Variants in ZNF277 observed in about 807,000 individuals in gnomAD.
ZNF277 encodes the protein zinc finger protein 277, also known as nuclear receptor-interacting factor 4.
ZNF277 carries 55 observed loss-of-function variants against 60.7 expected under a neutral mutation model. The ratio of observed to expected loss-of-function variants is 0.91; its 90% CI spans 0.73 to 1.13. The LOEUF is 1.13. ZNF277 is among the 50% of genes most tolerant of loss of function. ZNF277 has a pLI of 0.00. For synonymous variants in ZNF277, 178 were observed against 179.3 expected, an observed-to-expected ratio of 0.99 and a Z score of 0.06; for missense variants, 510 against 523.0, an observed-to-expected ratio of 0.98 and a Z score of 0.24.
At chr7:112,320,576 G>A (rs1186245178) in intron 5 of ZNF277, among the ~76,000 whole-genome samples, 1 of 152,074 alleles carries the variant, frequency 6.6e-6, no homozygotes, top group East Asian at 1.9e-4. Context: ...GACAAGGATA[G>A]AGTAATGAGT....
At chr7:112,286,837 C>CTTTGTTTT in intron 1 of ZNF277, 36 bp from the exon 2 acceptor site, 1 of 1,085,156 alleles carries the variant, frequency 9.2e-7, no homozygotes, top group Non-Finnish European at 1.2e-6. Flanking sequence ...GCTTTTCTTT[C>CTTTGTTTT]TTTCTTTTTT....
chr7:112,218,486 T>A (rs1821944329), intron 1 of ZNF277, among the ~76,000 whole-genome samples: 1 of 152,180 alleles, frequency 6.6e-6, no homozygotes, highest in East Asian at 1.9e-4. Flanking sequence ...GTGAGAACAT[T>A]TAAGATCTAC....
Position 112,259,246 on chromosome 7 carries a change from A to G in ZNF277, c.92-27627A>G, listed in dbSNP as rs1792999797. ...AATAAATTTTTATATTTTTGCATAA[A>G]TTAAACAGAGTCAAGATGTATTACT... On this transcript the variant is annotated intron_variant, in intron 1 of 11. Transcript: ENST00000361822. Among the ~76,000 whole-genome samples, 3 of 152,320 alleles carry G rather than the reference A, an allele frequency of 2.0e-5. No individual in the cohort carries two copies. The South Asian group carries it at 6.2e-4, about 32-fold the overall frequency.
intron 5 of ZNF277, among the ~76,000 whole-genome samples, chr7:112,322,697 G>A (rs992846586): frequency 6.6e-6 from 1 of 152,024 alleles, no homozygotes; most frequent in African/African-American, 2.4e-5. Context: ...GTCCTTGTCT[G>A]GTGTGTCAAC....
At chr7:112,327,655 C>A in intron 5 of ZNF277, 62 bp from the exon 6 acceptor site, 1 of 1,327,626 alleles carries the variant, frequency 7.5e-7, no homozygotes, top group Non-Finnish European at 1.1e-6. Context: ...GAATGCTATT[C>A]CAACCCAAAT....
rs1822221330 is a variant in ZNF277 at position 112,228,058 on chromosome 7, C to G, written c.91+21251C>G. ...CAGGGCTACGCTCTCTTTGAAAGCT[C>G]TAGGGGAGAATCCTTCCTTTCCTCT... On this transcript the variant is annotated intron_variant, in intron 1 of 11. Coordinates refer to ENST00000361822, the MANE Select transcript of ZNF277 (RefSeq NM_021994.3). Among the ~76,000 whole-genome samples, 4 of 152,016 alleles carry G rather than the reference C, an allele frequency of 2.6e-5. No individual in the cohort carries two copies. The South Asian group carries it at 8.3e-4, about 32-fold the overall frequency.
intron 1 of ZNF277, among the ~76,000 whole-genome samples, chr7:112,257,872 G>T (rs192894554): frequency 3.3e-5 from 5 of 151,754 alleles, no homozygotes; most frequent in Non-Finnish European, 7.4e-5. Context: ...GGGGTGCAGT[G>T]GCCCATTCGT....
chr7:112,287,327 G>A (rs930174881), intron 2 of ZNF277: 2 of 452,078 alleles, frequency 4.4e-6, no homozygotes, highest in African/African-American at 2.0e-5. Context: ...GTGAGTTATG[G>A]TTATACCATT....
chr7:112,215,050 A>G (rs2116951919), intron 1 of ZNF277, among the ~76,000 whole-genome samples: 1 of 152,320 alleles, frequency 6.6e-6, no homozygotes, highest in East Asian at 1.9e-4. Context: ...CTATGAAAAT[A>G]TAGGGACAAA....
chr7:112,288,743 C>A, intron 2 of ZNF277: 1 of 156,904 alleles, frequency 6.4e-6, no homozygotes. Context: ...GTTCATGCCT[C>A]CCAAAGCTGT....
At chr7:112,272,480 TTTTG>T (rs1189811383) in intron 1 of ZNF277, among the ~76,000 whole-genome samples, 4 of 152,134 alleles carry the variant, frequency 2.6e-5, no homozygotes, top group Non-Finnish European at 4.4e-5. Flanking sequence ...TTTTAGTTGT[TTTTG>T]TTTGTTTGTT....
intron 1 of ZNF277, among the ~76,000 whole-genome samples, chr7:112,258,832 A>G (rs1034592279): frequency 5.3e-5 from 8 of 152,096 alleles, no homozygotes; most frequent in Admixed American, 2.0e-4. Context: ...TGTGGTTCCA[A>G]TGAACATTTT....
intron 1 of ZNF277, among the ~76,000 whole-genome samples, chr7:112,283,782 A>T (rs546315382): frequency 2.0e-5 from 3 of 152,328 alleles, no homozygotes; most frequent in African/African-American, 7.2e-5. Flanking sequence ...GGGAAAAAAT[A>T]AAGAAAATTA....
At chr7:112,271,030 G>T (rs1258349747) in intron 1 of ZNF277, among the ~76,000 whole-genome samples, 3 of 152,110 alleles carry the variant, frequency 2.0e-5, no homozygotes, top group African/African-American at 7.2e-5. Context: ...ATTGAGAATT[G>T]TTGCCTGAAA....
chr7:112,292,867 G>A (rs1792239393), intron 2 of ZNF277, among the ~76,000 whole-genome samples: 1 of 151,958 alleles, frequency 6.6e-6, no homozygotes, highest in Admixed American at 6.6e-5. Flanking sequence ...TCAAATGTTT[G>A]CTGAAATGTT....
chr7:112,336,107 C>A lies in ZNF277; in HGVS notation c.805C>A (p.Leu269Ile). The A allele has an allele frequency of 6.2e-7, 1 of 1,610,778 alleles. No homozygotes were observed. Among genetic ancestry groups the A allele is most frequent in the Non-Finnish European group, 8.5e-7 (1 of 1,178,116 alleles). Residue 269 changes from leucine (L) to isoleucine (I), a missense_variant, in exon 8 of 12, where the codon CTT becomes ATT. Physicochemically the swap from Leu to Ile is conservative, Grantham distance 5. Coordinates refer to ENST00000361822, the MANE Select transcript of ZNF277 (RefSeq NM_021994.3). ...DRFYVINYLE[L>I]GKSWEEVQLE... is the part of the protein sequence containing the mutation. ...TCCCTCTGTTCTTCCTACAAAGGAACTTGGAAAATCGTGGGAAGAAGTTCA... is the reference window on the plus strand; with the variant it reads ...TCCCTCTGTTCTTCCTACAAAGGAAATTGGAAAATCGTGGGAAGAAGTTCA...
intron 7 of ZNF277, among the ~76,000 whole-genome samples, chr7:112,334,744 C>T (rs545786558): frequency 3.3e-5 from 5 of 152,260 alleles, no homozygotes; most frequent in African/African-American, 1.2e-4. Flanking sequence ...GATCAAATCA[C>T]AGAAGGCCCA....
At chr7:112,256,549 G>T (rs1254777363) in intron 1 of ZNF277, among the ~76,000 whole-genome samples, 1 of 148,734 alleles carries the variant, frequency 6.7e-6, no homozygotes, top group African/African-American at 2.5e-5. Context: ...AGGTTCAAGT[G>T]ATTCTCTTGC....
At chr7:112,241,661 A>G (rs1264388634) in intron 1 of ZNF277, among the ~76,000 whole-genome samples, 1 of 152,214 alleles carries the variant, frequency 6.6e-6, no homozygotes, top group Non-Finnish European at 1.5e-5. Context: ...ACAATGGAGT[A>G]CTATTCAGCC....
Sources: allele counts gnomAD v4.1 joint callset (sites outside exome capture counted in the v4.1 genomes callset), GRCh38; gene constraint gnomAD v4.1.1; transcripts MANE v1.5; gene names NCBI Gene and HGNC (gene_info 2026-07-23, HGNC 2026-07-21).